The following PM20D1 variants were observed in gnomAD, a reference collection of about 807,000 sequenced individuals.
PM20D1 encodes the protein N-fatty-acyl-amino acid synthase/hydrolase PM20D1.
Under a neutral mutation model 53.8 loss-of-function variants are expected in PM20D1, and 53 were observed. That is an observed-to-expected ratio of 0.98 (90% CI 0.79 to 1.24). The LOEUF (loss-of-function observed/expected upper bound fraction) is 1.24, where lower values mean the gene tolerates loss of function less well. Ranked by LOEUF, PM20D1 falls within the 50% of genes most tolerant of loss-of-function variation. The pLI is 0.00. For missense variants in PM20D1, 564 were observed against 616.8 expected, an observed-to-expected ratio of 0.91 and a Z score of 0.91; for synonymous variants, 239 against 241.3, an observed-to-expected ratio of 0.99 and a Z score of 0.09.
At position 205,828,633 on chromosome 1, in the gene PM20D1, A is replaced by G. The variant is rs1008265698; in HGVS notation, c.1496T>C (p.Leu499Pro). The change falls in exon 13 of 13, where the codon CTG becomes CCG. Residue 499 changes from leucine (L) to proline (P), a missense_variant. Coordinates refer to ENST00000367136, the MANE Select transcript of PM20D1 (RefSeq NM_152491.5). ...ADTDQEPVSH[L>P]HKL ...GGCCCCTTGACCTCACAGTTTGTGC[A>G]GGTGAGAAACTGGCTCCTGGTCTGT... 3 of 1,614,200 alleles carry G rather than the reference A, an allele frequency of 1.9e-6. No homozygotes were observed. Among genetic ancestry groups the G allele is most frequent in the Admixed American group, 1.7e-5 (1 of 60,032 alleles).
At chr1:205,844,245 T>C (rs756023704) in intron 4 of PM20D1, 28 bp from the exon 5 acceptor site, 1 of 1,575,120 alleles carries the variant, frequency 6.3e-7, no homozygotes, top group Admixed American at 1.8e-5. Flanking sequence ...AGAGCTATAG[T>C]CCTTCTCAGC....
In PM20D1 at chr1:205,828,593, A is replaced by C; in HGVS notation, c.*27T>G. ...GGTTAGTCCTGTCCCGGGGTCGGGC[A>C]TGCCTAACCCAGCAGGCCCCTTGAC... On this transcript the variant is annotated 3_prime_UTR_variant, in exon 13 of 13. Coordinates refer to ENST00000367136, the MANE Select transcript of PM20D1 (RefSeq NM_152491.5). 6.2e-7 allele frequency: 1 copy of C among 1,613,592 alleles called. No homozygotes were observed.
chr1:205,836,769 C>T (rs968155070), intron 10 of PM20D1, among the ~76,000 whole-genome samples: 12 of 152,212 alleles, frequency 7.9e-5, no homozygotes, highest in Admixed American at 5.9e-4. Flanking sequence ...TCCCAAAGCA[C>T]TGGGATTATA....
rs142582214 is a variant in PM20D1, at chr1:205,848,209, G to A, written c.170-238C>T. The stretch of plus-strand genomic sequence containing the variant: ...ATAGATTTAAACCTATGTCTTCTGG[G>A]TTTGTTTAGGCTGATATGGTTCTTA... On this transcript the variant is annotated intron_variant, in intron 1 of 12. Coordinates refer to ENST00000367136, the MANE Select transcript of PM20D1 (RefSeq NM_152491.5). 8.4e-4 allele frequency among the ~76,000 whole-genome samples: 128 copies of A among 152,302 alleles called. 1 individual carries two copies. The highest frequency in any genetic ancestry group is 2.9e-3 in the African/African-American group (119 of 41,562).
chr1:205,842,894 A>G, intron 6 of PM20D1, 143 bp from the exon 7 acceptor site: 1 of 674,468 alleles, frequency 1.5e-6, no homozygotes, highest in African/African-American at 1.8e-5. Context: ...ACCTCCACCA[A>G]CTCAACATTC....
chr1:205,844,955 G>C (rs1656914991), intron 3 of PM20D1, 58 bp from the exon 4 acceptor site: 1 of 1,447,998 alleles, frequency 6.9e-7, no homozygotes, highest in Non-Finnish European at 9.6e-7. Context: ...GGGAATACCA[G>C]GGTATCAGAG....
At position 205,832,689 on chromosome 1, in the gene PM20D1, G is replaced by C. The variant is rs746740274; in HGVS notation, c.1194C>G (p.Pro398=). ...AGGCCTTGTCATCAGAAGGGCTGAC[G>C]GGGAGGGGGTCAAAGGCACTCAACA... is the stretch of plus-strand genomic sequence containing the variant. ...FHVLSAFDPL[P]VSPSDDKALG... Residue 398 remains proline (P), a synonymous_variant, in exon 11 of 13, where the codon CCC becomes CCG. Coordinates refer to ENST00000367136, the MANE Select transcript of PM20D1 (RefSeq NM_152491.5). 1.4e-5 allele frequency: 23 copies of C among 1,614,064 alleles called. No homozygotes were observed. In the Admixed American group the frequency reaches 3.8e-4, roughly 27 times the overall value.
chr1:205,841,930 A>G (rs781411143), intron 8 of PM20D1, 41 bp from the exon 9 acceptor site: 3 of 1,522,096 alleles, frequency 2.0e-6, no homozygotes, highest in Admixed American at 2.0e-5. Flanking sequence ...GAAAGAACCA[A>G]TGGGGTGAAG....
rs1224879988 is a variant in PM20D1, at chr1:205,844,879, C to T, written c.508G>A (p.Glu170Lys). The change falls in exon 4 of 13, where the codon GAG becomes AAG. Residue 170 changes from glutamate (E) to lysine (K), a missense_variant. By Grantham distance (56) the Glu-to-Lys change is moderately conservative. Coordinates refer to ENST00000367136, the MANE Select transcript of PM20D1 (RefSeq NM_152491.5). ...ATGTACTTCCTGATCAGCAGGAGCT[C>T]CAAGGCCTGCAGTAATGCCTGGGGT... ...NSVMALLQALELLLIRKYIPR... is the reference protein window; with the variant it reads ...NSVMALLQALKLLLIRKYIPR... 1.2e-6 allele frequency: 2 copies of T among 1,613,604 alleles called. No homozygotes were observed. Among genetic ancestry groups the T allele is most frequent in the Non-Finnish European group, 1.7e-6 (2 of 1,179,974 alleles).
At chr1:205,845,236 A>G in intron 3 of PM20D1, 89 bp downstream of exon 3, 1 of 1,314,798 alleles carries the variant, frequency 7.6e-7, no homozygotes, top group Non-Finnish European at 1.1e-6. Context: ...TCTTTTTACC[A>G]TTATCTCCCA....
At chr1:205,842,068 C>T (rs1656823129) in intron 8 of PM20D1, 86 bp downstream of exon 8, 3 of 1,379,332 alleles carry the variant, frequency 2.2e-6, no homozygotes, top group African/African-American at 2.9e-5. Flanking sequence ...GATGATTAGT[C>T]AGGCCCAGTT....
intron 4 of PM20D1, 106 bp downstream of exon 4, chr1:205,844,705 G>T: frequency 2.0e-6 from 2 of 983,110 alleles, no homozygotes; most frequent in Non-Finnish European, 3.0e-6. Flanking sequence ...GCAAACTACC[G>T]TATCATGGAG....
In PM20D1 at chr1:205,839,648, A is replaced by G. The variant is rs548425394; in HGVS notation, c.1116+604T>C. ...CTCACAAGGTCAGGAGATCAAGACC[A>G]CTCTGGCTAACACGGTGAAACACCG... On this transcript the variant is annotated intron_variant, in intron 10 of 12. Coordinates refer to ENST00000367136, the MANE Select transcript of PM20D1 (RefSeq NM_152491.5). 5.3e-4 allele frequency among the ~76,000 whole-genome samples: 81 copies of G among 152,206 alleles called. 1 individual carries two copies. Among genetic ancestry groups the G allele is most frequent in the Non-Finnish European group, 2.6e-4 (18 of 68,014 alleles).
Position 205,837,826 on chromosome 1 carries a change from T to A in PM20D1, c.1116+2426A>T, listed in dbSNP as rs374474207. Among the ~76,000 whole-genome samples the A allele has an allele frequency of 3.3e-5, 5 of 151,864 alleles. No individual in the cohort carries two copies. The East Asian group carries it at 7.7e-4, about 24-fold the overall frequency. ...GCCCCAGCTGGGTGGAAAACAGCCC[T>A]TGGAAAGGGCATGGAGTTGGAATGA... On this transcript the variant is annotated intron_variant, in intron 10 of 12. Transcript: ENST00000367136.
Position 205,845,562 on chromosome 1 carries a change from A to G in PM20D1, c.257-5T>C, listed in dbSNP as rs1251071437. On this transcript the variant is annotated splice_region_variant and splice_polypyrimidine_tract_variant and intron_variant, in intron 2 of 12. Coordinates refer to ENST00000367136, the MANE Select transcript of PM20D1 (RefSeq NM_152491.5). The stretch of plus-strand genomic sequence containing the variant: ...TGCTGACCACTGTAGGAAAGACTAG[A>G]AGCAAAAAGGGCAGGAAGAGAGAAC... The G allele has an allele frequency of 6.2e-7, 1 of 1,610,556 alleles. No homozygotes were observed. Among genetic ancestry groups the G allele is most frequent in the Admixed American group, 1.7e-5 (1 of 60,010 alleles).
In PM20D1 at chr1:205,850,044, G is replaced by GC; in HGVS notation, c.28dup (p.Ala10GlyfsTer58). The GC allele has an allele frequency of 6.2e-7, 1 of 1,614,026 alleles. No homozygotes were observed. The highest frequency in any genetic ancestry group is 8.5e-7 in the Non-Finnish European group (1 of 1,179,934). ...AACTAGGAGCAGCATAGCCACCAGG[G>GC]CCAGCACGCAAACGCACCGCTGAGC... is the stretch of plus-strand genomic sequence containing the variant. On this transcript the variant is annotated frameshift_variant, in exon 1 of 13. Coordinates refer to ENST00000367136, the MANE Select transcript of PM20D1 (RefSeq NM_152491.5). LOFTEE classifies it high-confidence loss of function.
intron 8 of PM20D1, 123 bp from the exon 9 acceptor site, chr1:205,842,012 T>A: frequency 8.4e-7 from 1 of 1,190,230 alleles, no homozygotes; most frequent in Non-Finnish European, 1.2e-6. Flanking sequence ...GTCTTAGAGA[T>A]GTCTTAAATA....
At chr1:205,833,857 T>A (rs1243889481) in intron 10 of PM20D1, among the ~76,000 whole-genome samples, 1 of 152,116 alleles carries the variant, frequency 6.6e-6, no homozygotes, top group Non-Finnish European at 1.5e-5. Flanking sequence ...TACCTCTTTT[T>A]TTTTTTTTGA....
intron 11 of PM20D1, among the ~76,000 whole-genome samples, chr1:205,832,044 C>T (rs1286308247): frequency 6.6e-6 from 1 of 152,072 alleles, no homozygotes; most frequent in Non-Finnish European, 1.5e-5. Context: ...TTTAATAGTT[C>T]ACTGGGGAGA....
Sources: gnomAD v4.1 joint callset for allele counts (sites outside exome capture counted in the v4.1 genomes callset) on GRCh38, gnomAD v4.1.1 for gene constraint, MANE v1.5 for transcripts, NCBI Gene and HGNC (gene_info 2026-07-23, HGNC 2026-07-21) for gene names.